The following LNPEP variants were observed in gnomAD, a reference collection of about 807,000 sequenced individuals.
LNPEP encodes leucyl-cystinyl aminopeptidase.
A neutral mutation model predicts 120.6 loss-of-function variants in LNPEP; 64 were observed. The ratio of observed to expected loss-of-function variants is 0.53; its 90% CI spans 0.43 to 0.65. The LOEUF is 0.65. Among genes scored for constraint, LNPEP ranks in the 30% least tolerant of loss-of-function variants. The probability of loss-of-function intolerance (pLI) is 0.00; values close to 1 mark genes in which losing one functional copy is unlikely to be tolerated. For synonymous variants in LNPEP, 435 were observed against 425.4 expected, an observed-to-expected ratio of 1.02 and a Z score of -0.28; for missense variants, 1,057 against 1,200.0, an observed-to-expected ratio of 0.88 and a Z score of 1.76.
At chr5:96,992,597 T>C (rs565726493) in intron 4 of LNPEP, among the ~76,000 whole-genome samples, 1 of 152,256 alleles carries the variant, frequency 6.6e-6, no homozygotes, top group South Asian at 2.1e-4. Context: ...CCTGAAAGGA[T>C]GAAAATTTAG....
chr5:96,978,421 CT>C (rs1790050885), intron 1 of LNPEP, among the ~76,000 whole-genome samples: 1 of 152,120 alleles, frequency 6.6e-6, no homozygotes, highest in Admixed American at 6.5e-5. Flanking sequence ...TTTTATCTGA[CT>C]TTTATTGTCT....
At chr5:97,020,928 G>A (rs924717365) in intron 13 of LNPEP, among the ~76,000 whole-genome samples, 1 of 151,838 alleles carries the variant, frequency 6.6e-6, no homozygotes, top group African/African-American at 2.4e-5. Flanking sequence ...CCCCCCACCC[G>A]CCATGCACAA....
intron 15 of LNPEP, among the ~76,000 whole-genome samples, chr5:97,025,221 G>T (rs1791311224): frequency 6.6e-6 from 1 of 152,302 alleles, no homozygotes; most frequent in Admixed American, 6.5e-5. Flanking sequence ...GGGTAGAGGA[G>T]CTCTACATAG....
intron 1 of LNPEP, among the ~76,000 whole-genome samples, chr5:96,956,914 T>A (rs1277587959): frequency 6.6e-6 from 1 of 152,204 alleles, no homozygotes; most frequent in African/African-American, 2.4e-5. Flanking sequence ...TCATCACCAT[T>A]CTGCTCTTCA....
chr5:96,977,100 A>G (rs1053485674), intron 1 of LNPEP, among the ~76,000 whole-genome samples: 15 of 152,144 alleles, frequency 9.9e-5, no homozygotes, highest in African/African-American at 3.6e-4. Flanking sequence ...TTAAAGTAGC[A>G]TAACTTGTAT....
At chr5:96,947,303 A>G (rs1212379516) in intron 1 of LNPEP, among the ~76,000 whole-genome samples, 3 of 152,192 alleles carry the variant, frequency 2.0e-5, no homozygotes, top group East Asian at 1.9e-4. Context: ...TGGGGGGACA[A>G]GTTTGTATAA....
intron 6 of LNPEP, among the ~76,000 whole-genome samples, chr5:96,995,030 C>G (rs182225146): frequency 1.4e-4 from 22 of 152,248 alleles, no homozygotes; most frequent in African/African-American, 5.3e-4. Context: ...ATCACTTGAA[C>G]CCAGGAGGCA....
rs1454869489 is a variant in LNPEP, at chr5:97,032,478, A to C, written c.*3945A>C. The C allele has an allele frequency of 6.6e-6, 1 of 152,170 alleles. No homozygotes were observed. The highest frequency in any genetic ancestry group is 1.5e-5 in the Non-Finnish European group (1 of 68,032). The allele number at this position is 152,170 out of a possible 1,614,324, so 9.4% of individuals were successfully genotyped here. On this transcript the variant is annotated 3_prime_UTR_variant, in exon 18 of 18. Transcript: ENST00000231368. ...GGTTTTTTTGGGAGTATATACTTTA[A>C]AAATGTACATACATGTTTTTGATAG...
At chr5:96,946,090 A>T (rs1302522448) in intron 1 of LNPEP, among the ~76,000 whole-genome samples, 2 of 152,208 alleles carry the variant, frequency 1.3e-5, no homozygotes, top group African/African-American at 4.8e-5. Context: ...GTGTGTCCAC[A>T]TTTATCAAGA....
At chr5:96,998,549 G>C (rs576302220) in intron 8 of LNPEP, among the ~76,000 whole-genome samples, 1 of 152,282 alleles carries the variant, frequency 6.6e-6, no homozygotes, top group East Asian at 1.9e-4. Flanking sequence ...AAGAATTGAA[G>C]ATTCGATTTT....
At chr5:97,001,947 C>G (rs879394602) in intron 8 of LNPEP, among the ~76,000 whole-genome samples, 6 of 152,104 alleles carry the variant, frequency 3.9e-5, no homozygotes, top group Non-Finnish European at 8.8e-5. Flanking sequence ...CAAGAACAGT[C>G]TGTCCAACAT....
At position 97,024,669 on chromosome 5, in the gene LNPEP, C is replaced by T. The variant is rs773468346; in HGVS notation, c.2710C>T (p.Arg904Trp). Residue 904 changes from arginine (R) to tryptophan (W), a missense_variant, in exon 15 of 18, where the codon CGG (arginine) becomes TGG (tryptophan). Transcript: ENST00000231368. Reference protein sequence around the residue: ...LEALASSEDVRKLYWLMKSSL... With the variant: ...LEALASSEDVWKLYWLMKSSL... ...AGCACTTGCCAGCTCAGAGGATGTG[C>T]GGAAGCTTTACTGGTATGAAATCAC... 6.8e-6 allele frequency: 11 copies of T among 1,613,192 alleles called. No homozygotes were observed. In the African/African-American group the frequency reaches 8.0e-5, roughly 12 times the overall value.
intron 8 of LNPEP, among the ~76,000 whole-genome samples, chr5:96,999,122 T>C (rs1444765278): frequency 6.6e-6 from 1 of 152,164 alleles, no homozygotes; most frequent in Non-Finnish European, 1.5e-5. Flanking sequence ...ATTTTTTTCC[T>C]ATGCAACAGG....
At chr5:96,945,276 G>A (rs186015725) in intron 1 of LNPEP, among the ~76,000 whole-genome samples, 121 of 151,990 alleles carry the variant, frequency 8.0e-4, no homozygotes, top group African/African-American at 2.9e-3. Context: ...CAGGTGTGAT[G>A]GTATGCACCT....
intron 4 of LNPEP, among the ~76,000 whole-genome samples, chr5:96,989,923 T>C (rs1790355883): frequency 6.6e-6 from 1 of 152,214 alleles, no homozygotes; most frequent in Non-Finnish European, 1.5e-5. Context: ...TTCAGTTTCA[T>C]GTGAACTTTT....
At chr5:97,004,342 G>T (rs767154133) in intron 9 of LNPEP, among the ~76,000 whole-genome samples, 3 of 151,916 alleles carry the variant, frequency 2.0e-5, no homozygotes, top group Non-Finnish European at 4.4e-5. Context: ...GTGAAACCCC[G>T]TCTCCACTAA....
chr5:96,965,943 A>G, intron 1 of LNPEP, among the ~76,000 whole-genome samples: 1 of 152,108 alleles, frequency 6.6e-6, no homozygotes, highest in Non-Finnish European at 1.5e-5. Flanking sequence ...TCTTTTTCAC[A>G]GCAGGATTCT....
At chr5:97,018,590 C>CT (rs1369182687) in intron 13 of LNPEP, among the ~76,000 whole-genome samples, 3 of 152,076 alleles carry the variant, frequency 2.0e-5, no homozygotes, top group African/African-American at 7.2e-5. Context: ...GAATGTGTCA[C>CT]TTTAACATTC....
At chr5:96,958,281 T>C (rs1789517228) in intron 1 of LNPEP, among the ~76,000 whole-genome samples, 1 of 152,240 alleles carries the variant, frequency 6.6e-6, no homozygotes, top group Admixed American at 6.5e-5. Flanking sequence ...CTTTTAGAGT[T>C]GTCTCCTACC....
Sources: allele counts gnomAD v4.1 joint callset (sites outside exome capture counted in the v4.1 genomes callset), GRCh38; gene constraint gnomAD v4.1.1; transcripts MANE v1.5; gene names NCBI Gene and HGNC (gene_info 2026-07-23, HGNC 2026-07-21).